Variants in ASB3 observed in about 807,000 individuals in gnomAD.
ASB3 encodes the protein ankyrin repeat and SOCS box protein 3.
Under a neutral mutation model 54.5 loss-of-function variants are expected in ASB3, and 41 were observed. The observed-to-expected ratio is 0.75, with a 90% CI of 0.59 to 0.98. The LOEUF (loss-of-function observed/expected upper bound fraction) is 0.98. ASB3 is among the 50% of genes least tolerant of loss of function. The pLI, the probability that ASB3 is intolerant of heterozygous loss-of-function variation, is 0.00. For missense variants in ASB3, 733 were observed against 620.0 expected, an observed-to-expected ratio of 1.18 and a Z score of -1.94; for synonymous variants, 266 against 221.2, an observed-to-expected ratio of 1.20 and a Z score of -1.80.
chr2:53,763,181 G>C (rs912618228), intron 2 of ASB3, among the ~76,000 whole-genome samples: 2 of 152,114 alleles, frequency 1.3e-5, no homozygotes, highest in African/African-American at 4.8e-5. Context: ...AAGGGTTTGA[G>C]ACCAGCCTCG....
At chr2:53,754,016 G>A (rs932912303) in intron 2 of ASB3, among the ~76,000 whole-genome samples, 7 of 152,210 alleles carry the variant, frequency 4.6e-5, no homozygotes, top group Admixed American at 3.9e-4. Flanking sequence ...TTCTAAGGCT[G>A]AGGTGGGAAA....
chr2:53,785,649 C>T (rs1177597931), intron 1 of ASB3, among the ~76,000 whole-genome samples: 1 of 152,170 alleles, frequency 6.6e-6, no homozygotes, highest in Admixed American at 6.5e-5. Flanking sequence ...TCGAGACCAG[C>T]CTGGCCAACG....
chr2:53,735,485 T>TA (rs11414333), intron 3 of ASB3, among the ~76,000 whole-genome samples: 65,220 of 129,844 alleles, frequency 0.5, 16,081 homozygotes, highest in African/African-American at 0.65. Context: ...AGCAAAGATC[T>TA]AAAAAAAAAA....
chr2:53,732,195 G>T (rs531962048), intron 3 of ASB3, among the ~76,000 whole-genome samples: 6 of 151,104 alleles, frequency 4.0e-5, no homozygotes, highest in Non-Finnish European at 8.8e-5. Flanking sequence ...CTGGCCTCAG[G>T]TGATCCACCT....
chr2:53,682,218 G>C (rs111385456), intron 9 of ASB3, among the ~76,000 whole-genome samples: 10,806 of 151,800 alleles, frequency 0.071, 524 homozygotes, highest in Non-Finnish European at 0.11. Context: ...AATGTCATTG[G>C]TATTTTGATA....
intron 1 of ASB3, among the ~76,000 whole-genome samples, chr2:53,782,294 T>C (rs1674693383): frequency 6.6e-6 from 1 of 152,216 alleles, no homozygotes; most frequent in Non-Finnish European, 1.5e-5. Flanking sequence ...TCATTCATTC[T>C]GGAAGAGAAA....
At chr2:53,714,353 TA>T (rs1384411279) in intron 7 of ASB3, 30 bp downstream of exon 7, 53 of 1,606,008 alleles carry the variant, frequency 3.3e-5, no homozygotes, top group Non-Finnish European at 3.7e-5. Flanking sequence ...CAAAAAAGAA[TA>T]AAAAATAAAA....
intron 3 of ASB3, among the ~76,000 whole-genome samples, chr2:53,730,155 T>G (rs970683113): frequency 4.6e-5 from 7 of 152,204 alleles, no homozygotes; most frequent in Non-Finnish European, 8.8e-5. Context: ...ATGCAGATTA[T>G]TTTGCACAAA....
At chr2:53,696,508 G>A (rs2103744557) in intron 8 of ASB3, among the ~76,000 whole-genome samples, 1 of 152,234 alleles carries the variant, frequency 6.6e-6, no homozygotes, top group South Asian at 2.1e-4. Flanking sequence ...GGGGAGGAAA[G>A]GAAAATAGGC....
intron 7 of ASB3, among the ~76,000 whole-genome samples, chr2:53,713,583 G>A (rs141725781): frequency 1.0e-3 from 153 of 152,120 alleles, no homozygotes; most frequent in African/African-American, 3.6e-3. Context: ...TTAATTTGGG[G>A]GCGTTTAAAA....
At chr2:53,728,669 A>G (rs1270830304) in intron 5 of ASB3, 43 bp downstream of exon 5, 1 of 1,433,870 alleles carries the variant, frequency 7.0e-7, no homozygotes, top group Non-Finnish European at 9.2e-7. Flanking sequence ...TATAGTTTAA[A>G]GCTCATGATC....
chr2:53,676,581 T>A (rs1668090807), intron 9 of ASB3, among the ~76,000 whole-genome samples: 1 of 152,210 alleles, frequency 6.6e-6, no homozygotes, highest in Non-Finnish European at 1.5e-5. Flanking sequence ...AATTTTTTTA[T>A]AAATTTAGTG....
rs139183420 is a variant in ASB3 at position 53,768,174 on chromosome 2, C to A, written c.-13-2589G>T. ...TAACATTTCTGTAGATTTTCCCTGC[C>A]ACCTGCCCGCCATCTCTAACCCAGC... On this transcript the variant is annotated intron_variant, in intron 1 of 9. Transcript: ENST00000263634. 6.8e-6 allele frequency: 6 copies of A among 877,594 alleles called. No homozygotes were observed. In the African/African-American group the frequency reaches 8.4e-5, roughly 12 times the overall value. 54.4% of individuals were successfully genotyped at this position (877,594 alleles called of 1,614,324 possible). A position where few individuals can be genotyped will look rare whatever the true frequency, so the allele number is the denominator to read the frequency against.
At chr2:53,734,013 C>G (rs1365135319) in intron 3 of ASB3, among the ~76,000 whole-genome samples, 3 of 152,328 alleles carry the variant, frequency 2.0e-5, no homozygotes, top group Non-Finnish European at 1.5e-5. Flanking sequence ...AGGCACAGAT[C>G]GGTCACGCTA....
chr2:53,725,235 G>C (rs760048327), intron 5 of ASB3, among the ~76,000 whole-genome samples: 4 of 152,138 alleles, frequency 2.6e-5, no homozygotes, highest in Admixed American at 1.3e-4. Flanking sequence ...GCTAAACACT[G>C]GGTACTCAAG....
chr2:53,706,891 CT>C (rs1303763813), intron 7 of ASB3, among the ~76,000 whole-genome samples: 1 of 152,222 alleles, frequency 6.6e-6, no homozygotes, highest in African/African-American at 2.4e-5. Flanking sequence ...TATCCAACCT[CT>C]TTTGCTCAAG....
rs563915559 is a variant in ASB3, at chr2:53,694,987, G to T, written c.1239-973C>A. Among the ~76,000 whole-genome samples, 14 of 152,056 alleles carry T rather than the reference G, an allele frequency of 9.2e-5. No individual in the cohort carries two copies. In the South Asian group the frequency reaches 2.9e-3, roughly 32 times the overall value. ...TTAAAAGAACTCTAAATCCTAACAA[G>T]ATTACTTATCCTGTATTCAATTAGA... is the stretch of plus-strand genomic sequence containing the variant. On this transcript the variant is annotated intron_variant, in intron 8 of 9. Coordinates refer to ENST00000263634, the MANE Select transcript of ASB3 (RefSeq NM_016115.5).
chr2:53,772,753 TACATAGGTAA>T (rs1406014717), intron 1 of ASB3, among the ~76,000 whole-genome samples: 4 of 152,322 alleles, frequency 2.6e-5, no homozygotes, highest in African/African-American at 7.2e-5. Context: ...GCAAGTTTGT[TACATAGGTAA>T]ACATGTGTCA....
At chr2:53,725,329 T>A (rs1670936467) in intron 5 of ASB3, among the ~76,000 whole-genome samples, 1 of 152,232 alleles carries the variant, frequency 6.6e-6, no homozygotes, top group Non-Finnish European at 1.5e-5. Context: ...AGCGAACTGT[T>A]GAGTACTATG....
Sources: allele counts gnomAD v4.1 joint callset (sites outside exome capture counted in the v4.1 genomes callset), GRCh38; gene constraint gnomAD v4.1.1; transcripts MANE v1.5; gene names NCBI Gene and HGNC (gene_info 2026-07-23, HGNC 2026-07-21).